Variants in PARD3B observed in about 807,000 individuals in gnomAD.
The protein encoded by PARD3B is par-3 family cell polarity regulator beta.
PARD3B carries 103 observed loss-of-function variants against 130.2 expected under a neutral mutation model. The ratio of observed to expected loss-of-function variants is 0.79; its 90% CI spans 0.67 to 0.93. The LOEUF is 0.93. PARD3B is among the 40% of genes least tolerant of loss of function. The pLI, the probability that PARD3B is intolerant of heterozygous loss-of-function variation, is 0.00. For missense variants in PARD3B, 1,609 were observed against 1,499.2 expected, an observed-to-expected ratio of 1.07 and a Z score of -1.21; for synonymous variants, 583 against 553.2, an observed-to-expected ratio of 1.05 and a Z score of -0.76.
At chr2:204,559,761 C>A (rs2031184671) in intron 1 of PARD3B, among the ~76,000 whole-genome samples, 1 of 152,164 alleles carries the variant, frequency 6.6e-6, no homozygotes, top group Non-Finnish European at 1.5e-5. Flanking sequence ...CAGCACTATT[C>A]ACAATAGCAA....
chr2:204,775,954 G>A (rs1025243253), intron 2 of PARD3B, among the ~76,000 whole-genome samples: 1 of 152,168 alleles, frequency 6.6e-6, no homozygotes, highest in South Asian at 2.1e-4. Context: ...CCTGCATGCT[G>A]GAGCAAGAAG....
intron 20 of PARD3B, among the ~76,000 whole-genome samples, chr2:205,494,577 G>A (rs886593595): frequency 1.3e-5 from 2 of 152,082 alleles, no homozygotes; most frequent in African/African-American, 4.8e-5. Context: ...AATGAATACG[G>A]ACTTCATTGC....
chr2:204,765,353 T>C (rs2041099411), intron 2 of PARD3B, among the ~76,000 whole-genome samples: 1 of 152,142 alleles, frequency 6.6e-6, no homozygotes, highest in Non-Finnish European at 1.5e-5. Context: ...CTGTCTAAAA[T>C]TGGAGAACCA....
intron 16 of PARD3B, among the ~76,000 whole-genome samples, chr2:205,248,221 G>T (rs2039653549): frequency 1.3e-5 from 2 of 152,066 alleles, no homozygotes. Context: ...GGGATTACAG[G>T]TATGAACCAC....
At chr2:204,892,787 A>C (rs150554516) in intron 2 of PARD3B, among the ~76,000 whole-genome samples, 7 of 152,320 alleles carry the variant, frequency 4.6e-5, no homozygotes, top group African/African-American at 1.4e-4. Context: ...TTTCTGTGCA[A>C]CTACAAGAAG....
chr2:205,040,694 G>A (rs10190166), intron 3 of PARD3B, among the ~76,000 whole-genome samples: 101,189 of 152,120 alleles, frequency 0.67, 34,026 homozygotes, highest in Middle Eastern at 0.72. Context: ...GCCACTTGCA[G>A]TTTACTTTCA....
chr2:204,802,336 A>G (rs535556679), intron 2 of PARD3B, among the ~76,000 whole-genome samples: 5 of 152,288 alleles, frequency 3.3e-5, no homozygotes, highest in African/African-American at 1.2e-4. Flanking sequence ...AAAAGTCAGG[A>G]AACAACAGAT....
At chr2:205,355,102 C>G (rs1183106181) in intron 18 of PARD3B, among the ~76,000 whole-genome samples, 1 of 152,132 alleles carries the variant, frequency 6.6e-6, no homozygotes, top group Non-Finnish European at 1.5e-5. Flanking sequence ...GGACATGCAA[C>G]CTGTGTAGTT....
At chr2:205,373,382 AAGATATGTCTATTAGAATTTTTCACCAC>A (rs1409064707) in intron 18 of PARD3B, among the ~76,000 whole-genome samples, 1 of 152,194 alleles carries the variant, frequency 6.6e-6, no homozygotes, top group African/African-American at 2.4e-5. Context: ...TTTTATAGAG[AAGATATGTCTATTAGAATTTTTCACCAC>A]AGCAATGGAT....
chr2:205,164,354 A>G (rs2034678274), intron 11 of PARD3B, among the ~76,000 whole-genome samples: 1 of 152,188 alleles, frequency 6.6e-6, no homozygotes, highest in African/African-American at 2.4e-5. Flanking sequence ...TGTATTTTCA[A>G]CTAAGCAGGA....
intron 18 of PARD3B, among the ~76,000 whole-genome samples, chr2:205,380,016 C>T (rs1485201160): frequency 7.0e-5 from 10 of 142,600 alleles, no homozygotes; most frequent in African/African-American, 2.4e-4. Flanking sequence ...TGCAGTGAGC[C>T]GAGATCATGC....
At chr2:205,384,846 G>A (rs2045604277) in intron 18 of PARD3B, among the ~76,000 whole-genome samples, 2 of 152,064 alleles carry the variant, frequency 1.3e-5, no homozygotes, top group African/African-American at 4.8e-5. Context: ...TGACCAGCAA[G>A]ATCATCTATA....
rs141450024 is a variant in PARD3B, at chr2:204,974,601, T to C, written c.394+9278T>C. ...AACTTACTAGTGTTTTTAAAACAAA[T>C]AGACTTTTTACCCCAGAGATCTGAA... On this transcript the variant is annotated intron_variant, in intron 3 of 22. Coordinates refer to ENST00000406610, the MANE Select transcript of PARD3B (RefSeq NM_001302769.2). Among the ~76,000 whole-genome samples, 52 of 152,146 alleles carry C rather than the reference T, an allele frequency of 3.4e-4. 1 individual carries two copies. The highest frequency in any genetic ancestry group is 8.5e-4 in the Admixed American group (13 of 15,290).
intron 15 of PARD3B, among the ~76,000 whole-genome samples, chr2:205,203,398 T>G (rs1229311894): frequency 6.6e-6 from 1 of 150,412 alleles, no homozygotes; most frequent in Non-Finnish European, 1.5e-5. Context: ...TCACTTTTTA[T>G]TTTTTTACTA....
intron 2 of PARD3B, among the ~76,000 whole-genome samples, chr2:204,721,348 C>A (rs909779104): frequency 2.6e-5 from 4 of 152,010 alleles, no homozygotes; most frequent in African/African-American, 9.7e-5. Context: ...CATACTCCCC[C>A]CTGTAAGAGT....
intron 3 of PARD3B, among the ~76,000 whole-genome samples, chr2:204,974,866 A>G (rs1692010164): frequency 6.6e-6 from 1 of 152,216 alleles, no homozygotes; most frequent in South Asian, 2.1e-4. Flanking sequence ...ATCAATAATT[A>G]TTTATTGATA....
At chr2:204,903,279 T>A (rs1235674425) in intron 2 of PARD3B, among the ~76,000 whole-genome samples, 1 of 152,188 alleles carries the variant, frequency 6.6e-6, no homozygotes, top group Non-Finnish European at 1.5e-5. Context: ...AATAGAACTT[T>A]CTTATGACTC....
chr2:204,640,501 A>G (rs770120625), intron 1 of PARD3B, among the ~76,000 whole-genome samples: 5 of 152,118 alleles, frequency 3.3e-5, no homozygotes, highest in African/African-American at 1.2e-4. Flanking sequence ...TCTGTCAGGA[A>G]CCCTCTTCAG....
chr2:205,456,990 T>C (rs1433941466), intron 20 of PARD3B, among the ~76,000 whole-genome samples: 2 of 151,590 alleles, frequency 1.3e-5, no homozygotes, highest in Non-Finnish European at 2.9e-5. Flanking sequence ...CTAATATTTA[T>C]TGCTGTCTTC....
Sources: gnomAD v4.1 joint callset for allele counts (sites outside exome capture counted in the v4.1 genomes callset) on GRCh38, gnomAD v4.1.1 for gene constraint, MANE v1.5 for transcripts, NCBI Gene and HGNC (gene_info 2026-07-23, HGNC 2026-07-21) for gene names.